ABCB1: variants seen among roughly 807,000 people sequenced by gnomAD.
ABCB1 encodes ATP-dependent translocase ABCB1.
Under a neutral mutation model 142.0 loss-of-function variants are expected in ABCB1, and 69 were observed. That is an observed-to-expected ratio of 0.49 (90% CI 0.40 to 0.59). The LOEUF (loss-of-function observed/expected upper bound fraction) is 0.59. ABCB1 is among the 20% of genes least tolerant of loss of function. The pLI is 0.00. For synonymous variants in ABCB1, 532 were observed against 539.2 expected, an observed-to-expected ratio of 0.99 and a Z score of 0.18; for missense variants, 1,326 against 1,554.7, an observed-to-expected ratio of 0.85 and a Z score of 2.47.
At chr7:87,619,700 C>T (rs1004630078) in intron 1 of ABCB1, among the ~76,000 whole-genome samples, 15 of 151,730 alleles carry the variant, frequency 9.9e-5, no homozygotes, top group African/African-American at 3.1e-4. Context: ...AAGCAGAAAT[C>T]GTACTGACTG....
At chr7:87,562,611 T>G (rs1563053770) in intron 7 of ABCB1, among the ~76,000 whole-genome samples, 1 of 152,148 alleles carries the variant, frequency 6.6e-6, no homozygotes, top group Non-Finnish European at 1.5e-5. Flanking sequence ...AAAATGTTAT[T>G]TTAATTTATT....
chr7:87,524,652 G>A (rs1584846163), intron 21 of ABCB1, among the ~76,000 whole-genome samples: 1 of 151,724 alleles, frequency 6.6e-6, no homozygotes, highest in Non-Finnish European at 1.5e-5. Context: ...GAGTTGGTGG[G>A]TACAGCACAC....
At chr7:87,680,860 C>T in intron 1 of ABCB1, among the ~76,000 whole-genome samples, 1 of 149,904 alleles carries the variant, frequency 6.7e-6, no homozygotes, top group East Asian at 2.0e-4. Context: ...AAACCCAAAA[C>T]AAGCAAAATG....
In ABCB1 at chr7:87,580,509, T is replaced by C. The variant is rs546953925; in HGVS notation, c.286+5003A>G. ...TTATCCTTGACTTTTGGGAATTTGATTGTTAAATATCTTGAGGTAGTCTTA... is the reference window on the plus strand; with the variant it reads ...TTATCCTTGACTTTTGGGAATTTGACTGTTAAATATCTTGAGGTAGTCTTA... On this transcript the variant is annotated intron_variant, in intron 4 of 27. Transcript: ENST00000622132. 9.1e-4 allele frequency among the ~76,000 whole-genome samples: 139 copies of C among 152,322 alleles called. 1 individual carries two copies. The highest frequency in any genetic ancestry group is 3.2e-3 in the African/African-American group (135 of 41,580).
chr7:87,505,723 C>T (rs1814704141), intron 27 of ABCB1, among the ~76,000 whole-genome samples, 174 bp downstream of exon 27: 1 of 152,136 alleles, frequency 6.6e-6, no homozygotes, highest in Admixed American at 6.5e-5. Context: ...ACTAATCTGC[C>T]TTGTGTCATC....
At chr7:87,672,295 G>A (rs567517367) in intron 1 of ABCB1, among the ~76,000 whole-genome samples, 1 of 152,314 alleles carries the variant, frequency 6.6e-6, no homozygotes, top group South Asian at 2.1e-4. Flanking sequence ...GCTATGCTGG[G>A]GGATCCTTTC....
chr7:87,590,492 G>A (rs1265902163), intron 3 of ABCB1, among the ~76,000 whole-genome samples: 1 of 152,194 alleles, frequency 6.6e-6, no homozygotes, highest in Non-Finnish European at 1.5e-5. Context: ...AGATTGGCTG[G>A]TCAGAGAATG....
chr7:87,663,505 T>A (rs952938142), intron 1 of ABCB1, among the ~76,000 whole-genome samples: 7 of 152,170 alleles, frequency 4.6e-5, no homozygotes, highest in African/African-American at 1.7e-4. Context: ...TTATTTTCAG[T>A]AAATTTCTCA....
At chr7:87,627,962 T>G (rs1269972024) in intron 1 of ABCB1, 1 of 152,334 alleles carries the variant, frequency 6.6e-6, no homozygotes, top group East Asian at 1.9e-4. Context: ...TGCTGTTTAT[T>G]AGCCCCTGGG....
intron 1 of ABCB1, among the ~76,000 whole-genome samples, chr7:87,625,243 C>A (rs1016100594): frequency 4.0e-5 from 6 of 150,560 alleles, no homozygotes; most frequent in Non-Finnish European, 8.8e-5. Flanking sequence ...TGCGACTGAG[C>A]GAGACTGCGT....
chr7:87,628,037 A>G (rs1216279644), intron 1 of ABCB1, among the ~76,000 whole-genome samples: 1 of 152,062 alleles, frequency 6.6e-6, no homozygotes, highest in Non-Finnish European at 1.5e-5. Flanking sequence ...CGGGTGTGGG[A>G]GCCGGCGCGC....
chr7:87,593,277 G>A (rs1399420534), intron 3 of ABCB1, among the ~76,000 whole-genome samples: 1 of 152,090 alleles, frequency 6.6e-6, no homozygotes, highest in African/African-American at 2.4e-5. Context: ...TTACAGCCCA[G>A]CTCTATGTGT....
rs202163510 is a variant in ABCB1, at chr7:87,553,775, C to T, written c.985G>A (p.Gly329Arg). 6.2e-7 allele frequency: 1 copy of T among 1,613,952 alleles called. No homozygotes were observed. Among genetic ancestry groups the T allele is most frequent in the Non-Finnish European group, 8.5e-7 (1 of 1,179,930 alleles). Residue 329 changes from glycine to arginine, a missense_variant, in exon 9 of 28, where the codon GGA (glycine) becomes AGA (arginine). Coordinates refer to ENST00000622132, the MANE Select transcript of ABCB1 (RefSeq NM_001348946.2). Reference sequence around the variant, plus strand: ...AAACCACTTACAGTGAGTACTTGTCCAATAGAATATTCCCCTGAGAGGACC... The same window carrying T: ...AAACCACTTACAGTGAGTACTTGTCTAATAGAATATTCCCCTGAGAGGACC... ...TLVLSGEYSIGQVLTVFFSVL... is the reference protein window; with the variant it reads ...TLVLSGEYSIRQVLTVFFSVL...
chr7:87,628,661 G>T, intron 1 of ABCB1: 1 of 406,146 alleles, frequency 2.5e-6, no homozygotes, highest in Non-Finnish European at 4.2e-6. Context: ...TCAGTCCCCG[G>T]GTGCGAGTCC....
chr7:87,513,283 G>A (rs1815096921), intron 25 of ABCB1, among the ~76,000 whole-genome samples: 1 of 152,116 alleles, frequency 6.6e-6, no homozygotes, highest in African/African-American at 2.4e-5. Flanking sequence ...TTGTAAGCAT[G>A]TAATTCCCTT....
intron 22 of ABCB1, among the ~76,000 whole-genome samples, chr7:87,519,880 A>T (rs1324525896): frequency 1.3e-5 from 2 of 152,228 alleles, no homozygotes; most frequent in Admixed American, 1.3e-4. Context: ...TGATGGGTTG[A>T]CATAGAGGAA....
intron 1 of ABCB1, among the ~76,000 whole-genome samples, chr7:87,624,852 T>G (rs546465797): frequency 6.6e-6 from 1 of 152,304 alleles, no homozygotes; most frequent in South Asian, 2.1e-4. Context: ...TGACACTCCA[T>G]ACATGCAAAA....
chr7:87,679,176 TC>T lies in ABCB1; in HGVS notation c.-331+33984del, dbSNP rs1387294652. 2.9e-5 allele frequency among the ~76,000 whole-genome samples: 4 copies of T among 137,482 alleles called. 1 individual carries two copies. In the Middle Eastern group the frequency reaches 0.011, roughly 374 times the overall value. 90.2% of individuals were successfully genotyped at this position (137,482 alleles called of 152,430 possible). ...GGCGCGATCTTGGCTCACTGCAAGC[TC>T]CTCCTCCTGGGTTCACACCATTCTC... is the stretch of plus-strand genomic sequence containing the variant. On this transcript the variant is annotated intron_variant, in intron 1 of 28. Transcript: ENST00000265724.
intron 1 of ABCB1, among the ~76,000 whole-genome samples, chr7:87,663,382 G>A (rs1824907992): frequency 6.6e-6 from 1 of 151,546 alleles, no homozygotes; most frequent in Non-Finnish European, 1.5e-5. Context: ...TTCTTCCCCT[G>A]TTTTCTCTCT....
Sources: allele counts gnomAD v4.1 joint callset (sites outside exome capture counted in the v4.1 genomes callset), GRCh38; gene constraint gnomAD v4.1.1; transcripts MANE v1.5; gene names NCBI Gene and HGNC (gene_info 2026-07-23, HGNC 2026-07-21).